SLC24A5: variants seen among roughly 807,000 people sequenced by gnomAD.
SLC24A5 encodes sodium/potassium/calcium exchanger 5.
In SLC24A5, 46 loss-of-function variants were observed where a neutral mutation model predicts 51.6. The observed-to-expected ratio is 0.89, with a 90% CI of 0.70 to 1.14. The LOEUF (loss-of-function observed/expected upper bound fraction) is 1.14, where lower values mean the gene tolerates loss of function less well. Among genes scored for constraint, SLC24A5 ranks in the 50% most tolerant of loss-of-function variants. The pLI, the probability that SLC24A5 is intolerant of heterozygous loss-of-function variation, is 0.00. For synonymous variants in SLC24A5, 230 were observed against 214.9 expected (o/e 1.07, Z -0.62); for missense variants, 581 against 604.1 (o/e 0.96, Z 0.40).
chr15:48,121,183 T>A lies in SLC24A5; in HGVS notation c.121+18T>A. 6.3e-7 allele frequency: 1 copy of A among 1,593,884 alleles called. No individual in the cohort carries two copies. On this transcript the variant is annotated intron_variant, in intron 1 of 8. Coordinates refer to ENST00000341459, the MANE Select transcript of SLC24A5 (RefSeq NM_205850.3). ...GGCCACAGGTAGGTGGACATTGGGG[T>A]CAGTTAGCTCTGCAGCAGCAGCTGC...
chr15:48,139,846 CTA>C (rs1347093101), intron 7 of SLC24A5: 1 of 152,122 alleles, frequency 6.6e-6, no homozygotes, highest in Non-Finnish European at 1.5e-5. Flanking sequence ...GGTGAACAAA[CTA>C]CTGCCTGTGT....
At chr15:48,140,770 G>T in intron 7 of SLC24A5, 1 of 206,178 alleles carries the variant, frequency 4.9e-6, no homozygotes, top group Non-Finnish European at 9.9e-6. Flanking sequence ...AAAGCGGAAT[G>T]ATCAGTCTCA....
intron 2 of SLC24A5, chr15:48,124,345 T>G (rs1171766563): frequency 6.6e-6 from 1 of 152,114 alleles, no homozygotes; most frequent in Non-Finnish European, 1.5e-5. Context: ...TACTAAGTTC[T>G]TATATAGATG....
In SLC24A5 at chr15:48,122,005, C is replaced by G; in HGVS notation, c.270C>G (p.Tyr90Ter). The change falls in exon 2 of 9, where the codon TAC becomes TAG. Residue 90 changes from tyrosine to a stop codon, truncating the protein, a stop_gained. Coordinates refer to ENST00000341459, the MANE Select transcript of SLC24A5 (RefSeq NM_205850.3). LOFTEE classifies it high-confidence loss of function. ...FMAISIVCDEYFLPSLEIISE... is the reference protein window; with the variant it reads ...FMAISIVCDE ...CCATATCTATTGTCTGTGATGAATA[C>G]TTCCTACCCTCCCTGGAAATCATCA... is the stretch of plus-strand genomic sequence containing the variant. 6.2e-7 allele frequency: 1 copy of G among 1,614,176 alleles called. No individual in the cohort carries two copies. Among genetic ancestry groups the G allele is most frequent in the Non-Finnish European group, 8.5e-7 (1 of 1,180,018 alleles).
At chr15:48,122,197 T>C in intron 2 of SLC24A5, 161 bp downstream of exon 2, 1 of 705,416 alleles carries the variant, frequency 1.4e-6, no homozygotes, top group South Asian at 1.6e-5. Flanking sequence ...TGGTCGAGTG[T>C]GGTTTCTCTT....
At chr15:48,126,690 G>A (rs1026355798) in intron 2 of SLC24A5, among the ~76,000 whole-genome samples, 1 of 152,158 alleles carries the variant, frequency 6.6e-6, no homozygotes, top group Non-Finnish European at 1.5e-5. Context: ...ATACCCTGAG[G>A]GGTGTGTATG....
rs1255241713 is a variant in SLC24A5 at position 48,136,833 on chromosome 15, GA to G, written c.742del (p.Met248TrpfsTer33). ...TGGAGAGAAGTGAACAACAGCCACTGATGGGCTGGGAAGATGAAGGTCAACC... is the reference window on the plus strand; with the variant it reads ...TGGAGAGAAGTGAACAACAGCCACTGTGGGCTGGGAAGATGAAGGTCAACC... ...AMERSEQQPLMGWEDEGQPFI... is the reference protein window; with the variant it reads ...AMERSEQQPLXGWEDEGQPFI... On this transcript the variant is annotated frameshift_variant, in exon 6 of 9. Transcript: ENST00000341459. LOFTEE classifies it high-confidence loss of function. 1 of 1,613,724 alleles carries G rather than the reference GA, an allele frequency of 6.2e-7. No individual in the cohort carries two copies. Among genetic ancestry groups the G allele is most frequent in the African/African-American group, 1.3e-5 (1 of 74,908 alleles).
At position 48,142,044 on chromosome 15, in the gene SLC24A5, C is replaced by T. The variant is rs1164823833; in HGVS notation, c.1196C>T (p.Ala399Val). The T allele has an allele frequency of 6.2e-7, 1 of 1,610,550 alleles. No individual in the cohort carries two copies. The highest frequency in any genetic ancestry group is 1.7e-5 in the Admixed American group (1 of 59,854). ...LVARKGKGDM[A>V]MSNIVGSNVF... is the part of the protein sequence containing the mutation. ...TCTTTTGTAGGGAAAGGAGATATGG[C>T]TATGTCTAACATCGTGGGATCCAAT... Residue 399 changes from alanine to valine, a missense_variant, in exon 9 of 9, where the codon GCT (alanine) becomes GTT (valine). Coordinates refer to ENST00000341459, the MANE Select transcript of SLC24A5 (RefSeq NM_205850.3).
intron 1 of SLC24A5, 85 bp from the exon 2 acceptor site, chr15:48,121,772 T>C (rs936790658): frequency 2.9e-6 from 4 of 1,374,278 alleles, no homozygotes; most frequent in Non-Finnish European, 4.1e-6. Flanking sequence ...TACCCCACAC[T>C]TACAGATTTC....
At chr15:48,141,268 T>A (rs1221498270) in intron 8 of SLC24A5, 54 bp downstream of exon 8, 4 of 1,381,594 alleles carry the variant, frequency 2.9e-6, no homozygotes, top group African/African-American at 1.4e-5. Context: ...CTAGAATGAG[T>A]AAAAGTAGCT....
Position 48,142,633 on chromosome 15 carries a change from T to C in SLC24A5, c.*282T>C. On this transcript the variant is annotated 3_prime_UTR_variant, in exon 9 of 9. Transcript: ENST00000341459. ...ACTAGAACAAACAAATCCAACTATG[T>C]AGTACTGAAAACAACAAGAAAATGG... 4.4e-6 allele frequency: 2 copies of C among 453,828 alleles called. No homozygotes were observed. Among genetic ancestry groups the C allele is most frequent in the South Asian group, 4.3e-5 (1 of 23,212 alleles). The allele number at this position is 453,828 out of a possible 1,614,324, so 28.1% of individuals were successfully genotyped here.
intron 4 of SLC24A5, 70 bp downstream of exon 4, chr15:48,134,608 G>T: frequency 8.1e-7 from 1 of 1,229,422 alleles, no homozygotes; most frequent in Non-Finnish European, 1.2e-6. Context: ...TCGTCGTCTG[G>T]GATGGACAAC....
At chr15:48,126,546 A>G (rs2038733520) in intron 2 of SLC24A5, among the ~76,000 whole-genome samples, 1 of 152,194 alleles carries the variant, frequency 6.6e-6, no homozygotes, top group Non-Finnish European at 1.5e-5. Flanking sequence ...AGAGTTAAAG[A>G]TGTGATCAGA....
chr15:48,137,508 T>C (rs1358742367), intron 6 of SLC24A5: 1 of 152,174 alleles, frequency 6.6e-6, no homozygotes, highest in Non-Finnish European at 1.5e-5. Context: ...ACTGTTATCT[T>C]AGTAATGTTA....
intron 7 of SLC24A5, chr15:48,140,375 A>G (rs1363155576): frequency 1.3e-5 from 2 of 151,484 alleles, no homozygotes; most frequent in African/African-American, 4.8e-5. Context: ...GCATTTTAAG[A>G]AAAAAAAAGA....
At chr15:48,122,314 T>C in intron 2 of SLC24A5, 1 of 572,290 alleles carries the variant, frequency 1.7e-6, no homozygotes, top group Non-Finnish European at 3.1e-6. Flanking sequence ...ATGTTTGTTA[T>C]AAGAACTGTT....
intron 2 of SLC24A5, chr15:48,124,149 T>C (rs957961065): frequency 1.3e-5 from 2 of 152,146 alleles, no homozygotes; most frequent in Non-Finnish European, 2.9e-5. Flanking sequence ...AATTTGTAAA[T>C]CTTTTTCTTT....
At chr15:48,135,088 A>T in intron 5 of SLC24A5, 104 bp downstream of exon 5, 1 of 788,018 alleles carries the variant, frequency 1.3e-6, no homozygotes, top group Non-Finnish European at 2.1e-6. Flanking sequence ...TTAATCTGCC[A>T]CTTCTATACC....
intron 2 of SLC24A5, 68 bp from the exon 3 acceptor site, chr15:48,134,190 T>C (rs2038838300): frequency 7.9e-7 from 1 of 1,266,976 alleles, no homozygotes; most frequent in Middle Eastern, 1.8e-4. Context: ...TGAGTATCTA[T>C]TGTGTTTAGT....
Sources: gnomAD v4.1 joint callset for allele counts (sites outside exome capture counted in the v4.1 genomes callset) on GRCh38, gnomAD v4.1.1 for gene constraint, MANE v1.5 for transcripts, NCBI Gene and HGNC (gene_info 2026-07-23, HGNC 2026-07-21) for gene names.